ASPH: variants seen among roughly 807,000 people sequenced by gnomAD.
ASPH encodes the protein aspartate beta-hydroxylase.
Under a neutral mutation model 118.4 loss-of-function variants are expected in ASPH, and 100 were observed. The observed-to-expected ratio is 0.84, with a 90% CI of 0.72 to 1.00. The LOEUF is 1.00. Among genes scored for constraint, ASPH ranks in the 50% least tolerant of loss-of-function variants. ASPH has a pLI of 0.00. For missense variants in ASPH, 920 were observed against 919.5 expected, an observed-to-expected ratio of 1.00 and a Z score of -0.01; for synonymous variants, 315 against 325.6, an observed-to-expected ratio of 0.97 and a Z score of 0.35.
At chr8:61,527,407 T>C (rs1307575099) in intron 21 of ASPH, among the ~76,000 whole-genome samples, 1 of 152,210 alleles carries the variant, frequency 6.6e-6, no homozygotes, top group Non-Finnish European at 1.5e-5. Context: ...AAGGCTGTGA[T>C]ATAGACAGAG....
intron 5 of ASPH, among the ~76,000 whole-genome samples, chr8:61,648,112 G>A (rs1297347722): frequency 7.2e-5 from 11 of 152,176 alleles, no homozygotes. Flanking sequence ...TAACTACCCT[G>A]TGCCACAGAT....
chr8:61,660,265 T>C lies in ASPH; in HGVS notation c.323-6605A>G, dbSNP rs1650735949. 3 of 152,094 alleles carry C rather than the reference T, an allele frequency of 2.0e-5. No homozygotes were observed. The South Asian group carries it at 6.2e-4, about 32-fold the overall frequency. 9.4% of individuals were successfully genotyped at this position (152,094 alleles called of 1,614,324 possible). ...GAAATACCTATTTTGGCCCATCCCA[T>C]TCACCTCTCTGTATTTGGGCAGGGG... On this transcript the variant is annotated intron_variant, in intron 3 of 24. Transcript: ENST00000379454.
chr8:61,676,259 A>G (rs774987854), intron 3 of ASPH: 6 of 1,592,206 alleles, frequency 3.8e-6, no homozygotes, highest in Non-Finnish European at 5.1e-6. Flanking sequence ...TTCCTCTGCT[A>G]AAATATTAAG....
chr8:61,605,455 G>C (rs570543940), intron 14 of ASPH, among the ~76,000 whole-genome samples: 1 of 152,290 alleles, frequency 6.6e-6, no homozygotes, highest in East Asian at 1.9e-4. Flanking sequence ...ATACATGGGA[G>C]AAAAAGCTCA....
At chr8:61,689,659 T>C (rs2151769555) in intron 1 of ASPH, 4 of 1,585,156 alleles carry the variant, frequency 2.5e-6, no homozygotes, top group Non-Finnish European at 3.5e-6. Flanking sequence ...TTAGCCTAAA[T>C]AACAAAAATA....
At chr8:61,587,824 T>C (rs538449132) in intron 14 of ASPH, among the ~76,000 whole-genome samples, 2 of 152,288 alleles carry the variant, frequency 1.3e-5, no homozygotes, top group South Asian at 4.1e-4. Flanking sequence ...TCCCAACTGC[T>C]AAAAACCACA....
At chr8:61,578,914 T>C in intron 15 of ASPH, 2 of 1,611,772 alleles carry the variant, frequency 1.2e-6, no homozygotes, top group Non-Finnish European at 1.7e-6. Flanking sequence ...GAAAAGGAGA[T>C]CCGGGAGCTG....
intron 18 of ASPH, among the ~76,000 whole-genome samples, chr8:61,561,276 C>G (rs183114742): frequency 6.6e-6 from 1 of 152,282 alleles, no homozygotes; most frequent in Admixed American, 6.5e-5. Context: ...TTCTCTTAAC[C>G]ATACTCTGTA....
At chr8:61,617,540 C>T (rs1409932152) in intron 14 of ASPH, among the ~76,000 whole-genome samples, 2 of 152,056 alleles carry the variant, frequency 1.3e-5, no homozygotes, top group Non-Finnish European at 2.9e-5. Flanking sequence ...CTAATCTCAC[C>T]GATCTATAAA....
intron 22 of ASPH, among the ~76,000 whole-genome samples, chr8:61,518,477 T>C (rs1311351926): frequency 6.6e-6 from 1 of 152,176 alleles, no homozygotes; most frequent in African/African-American, 2.4e-5. Flanking sequence ...TGTTAAGTTT[T>C]GACTCCCCAA....
intron 14 of ASPH, among the ~76,000 whole-genome samples, chr8:61,588,622 T>C (rs1330215642): frequency 5.3e-5 from 8 of 152,226 alleles, no homozygotes; most frequent in Admixed American, 6.5e-5. Flanking sequence ...GTTCCCATGT[T>C]CTACCTTGTT....
intron 18 of ASPH, among the ~76,000 whole-genome samples, chr8:61,558,014 C>T (rs1417384399): frequency 5.3e-5 from 8 of 152,216 alleles, no homozygotes; most frequent in Admixed American, 4.6e-4. Flanking sequence ...ATTTACTAGA[C>T]ATCTTAGAAC....
intron 15 of ASPH, chr8:61,578,799 G>C: frequency 6.3e-7 from 1 of 1,599,496 alleles, no homozygotes; most frequent in Non-Finnish European, 8.6e-7. Flanking sequence ...GAATGAATTT[G>C]TCCTCATCAA....
At chr8:61,595,390 A>G (rs186860343) in intron 14 of ASPH, among the ~76,000 whole-genome samples, 133 of 152,372 alleles carry the variant, frequency 8.7e-4, no homozygotes, top group Middle Eastern at 3.4e-3. Context: ...GTTTCTCATT[A>G]CAGACAAATG....
intron 13 of ASPH, chr8:61,624,018 G>C (rs1042464060): frequency 1.2e-5 from 2 of 173,430 alleles, no homozygotes; most frequent in East Asian, 3.8e-4. Flanking sequence ...CCAGAGGTTG[G>C]GAAGGGTAGT....
chr8:61,693,962 T>G (rs1833322017), intron 1 of ASPH, among the ~76,000 whole-genome samples: 1 of 152,102 alleles, frequency 6.6e-6, no homozygotes, highest in African/African-American at 2.4e-5. Context: ...GCTCACGGAA[T>G]CAAGATCAGG....
At chr8:61,666,725 T>C (rs1819811534) in intron 3 of ASPH, among the ~76,000 whole-genome samples, 1 of 152,202 alleles carries the variant, frequency 6.6e-6, no homozygotes, top group African/African-American at 2.4e-5. Flanking sequence ...ACCAGGAGAT[T>C]CTTCAGTTCT....
At chr8:61,555,541 C>A (rs1827553730) in intron 19 of ASPH, among the ~76,000 whole-genome samples, 1 of 152,186 alleles carries the variant, frequency 6.6e-6, no homozygotes, top group African/African-American at 2.4e-5. Context: ...TGACCACCCA[C>A]CTTGGCCACC....
At chr8:61,692,400 A>G (rs933874169) in intron 1 of ASPH, among the ~76,000 whole-genome samples, 1 of 152,242 alleles carries the variant, frequency 6.6e-6, no homozygotes, top group Non-Finnish European at 1.5e-5. Context: ...ACTTTAGCAA[A>G]CGCAACTAAA....
Sources: allele counts gnomAD v4.1 joint callset (sites outside exome capture counted in the v4.1 genomes callset), GRCh38; gene constraint gnomAD v4.1.1; transcripts MANE v1.5; gene names NCBI Gene and HGNC (gene_info 2026-07-23, HGNC 2026-07-21).